The following REEP6 variants were observed in gnomAD, a reference collection of about 807,000 sequenced individuals.
The protein encoded by REEP6 is receptor expression-enhancing protein 6.
REEP6 carries 19 observed loss-of-function variants against 22.4 expected under a neutral mutation model. The observed-to-expected ratio is 0.85, with a 90% CI of 0.59 to 1.25. The LOEUF is 1.25. REEP6 is among the 50% of genes most tolerant of loss of function. REEP6 has a pLI of 0.00. For synonymous variants in REEP6, 121 were observed against 113.6 expected (o/e 1.06, Z -0.41); for missense variants, 273 against 251.9 (o/e 1.08, Z -0.57).
rs1250720077 is a variant in REEP6 at position 1,495,970 on chromosome 19, A to G, written c.349-315A>G. 7.5e-6 allele frequency: 4 copies of G among 531,652 alleles called. No homozygotes were observed. The East Asian group carries it at 9.6e-5, about 13-fold the overall frequency. 32.9% of individuals were successfully genotyped at this position (531,652 alleles called of 1,614,324 possible). On this transcript the variant is annotated intron_variant, in intron 3 of 4. Coordinates refer to ENST00000233596, the MANE Select transcript of REEP6 (RefSeq NM_138393.4). ...TCACTTAAAGGGTGTCTGATGGTGG[A>G]GACCCAGGCTTATTCCAATAATATG...
chr19:1,493,772 A>G (rs559839779), intron 1 of REEP6, among the ~76,000 whole-genome samples: 2 of 111,282 alleles, frequency 1.8e-5, no homozygotes, highest in Admixed American at 1.9e-4. Context: ...ACTGTGTTAT[A>G]GTTGCCTGAA....
chr19:1,496,560 C>T (rs759271904), intron 4 of REEP6, 107 bp downstream of exon 4: 13 of 1,301,900 alleles, frequency 1.0e-5, no homozygotes, highest in Middle Eastern at 1.8e-4. Context: ...TCTCACTGTC[C>T]GCCTCTCTCT....
intron 1 of REEP6, 61 bp from the exon 2 acceptor site, chr19:1,495,233 G>A (rs2084995475): frequency 6.5e-7 from 1 of 1,540,740 alleles, no homozygotes; most frequent in African/African-American, 1.4e-5. Flanking sequence ...GGCGGCCTGG[G>A]TACCGTCGTG....
chr19:1,496,730 G>A lies in REEP6; in HGVS notation c.517+277G>A, dbSNP rs1236282396. On this transcript the variant is annotated intron_variant, in intron 4 of 4. Coordinates refer to ENST00000233596, the MANE Select transcript of REEP6 (RefSeq NM_138393.4). ...TGTGTGTGTGTGTGCGCGCGCGCGC[G>A]CGTGTGTTTGAGCGTATGTTTGCTG... 27 of 658,324 alleles carry A rather than the reference G, an allele frequency of 4.1e-5. No individual in the cohort carries two copies. The highest frequency in any genetic ancestry group is 5.4e-5 in the Non-Finnish European group (19 of 352,528). 40.8% of individuals were successfully genotyped at this position (658,324 alleles called of 1,614,324 possible).
chr19:1,496,660 T>C (rs768543224), intron 4 of REEP6: 19 of 738,778 alleles, frequency 2.6e-5, no homozygotes, highest in South Asian at 2.4e-4. Flanking sequence ...TCCACTCCCC[T>C]GGAAGCTGAC....
chr19:1,497,056 C>T lies in REEP6; in HGVS notation c.518-118C>T. On this transcript the variant is annotated intron_variant, in intron 4 of 4. Transcript: ENST00000233596. The surrounding 1 kb of genome is among the most constrained non-coding windows in gnomAD (Gnocchi z 6.5). ...TTGACACCATCTCTGCTGAGGGTGG[C>T]TGCCCGGCCCCTCGACTTGTCATGC... The T allele has an allele frequency of 9.8e-6, 8 of 813,514 alleles. No homozygotes were observed. Among genetic ancestry groups the T allele is most frequent in the Non-Finnish European group, 1.5e-5 (8 of 533,192 alleles). 50.4% of individuals were successfully genotyped at this position (813,514 alleles called of 1,614,324 possible).
chr19:1,494,735 A>G (rs2084991544), intron 1 of REEP6, among the ~76,000 whole-genome samples: 1 of 151,798 alleles, frequency 6.6e-6, no homozygotes, highest in African/African-American at 2.4e-5. Context: ...CCCAGGCTGG[A>G]GTGCAACGGC....
At chr19:1,494,097 G>A (rs1255578994) in intron 1 of REEP6, among the ~76,000 whole-genome samples, 3 of 152,060 alleles carry the variant, frequency 2.0e-5, no homozygotes, top group South Asian at 4.2e-4. Context: ...AGAAATAAAC[G>A]TGCAGAAAGG....
Position 1,497,033 on chromosome 19 carries a change from G to C in REEP6, c.518-141G>C, listed in dbSNP as rs1291200284. 1.1e-5 allele frequency: 7 copies of C among 656,264 alleles called. No homozygotes were observed. The East Asian group carries it at 2.0e-4, about 18-fold the overall frequency. 40.7% of individuals were successfully genotyped at this position (656,264 alleles called of 1,614,324 possible). A position where few individuals can be genotyped will look rare whatever the true frequency, so the allele number is the denominator to read the frequency against. ...TGACCATGAAAGCCTCTGTGTGGTT[G>C]ACACCATCTCTGCTGAGGGTGGCTG... is the stretch of plus-strand genomic sequence containing the variant. On this transcript the variant is annotated intron_variant, in intron 4 of 4. Coordinates refer to ENST00000233596, the MANE Select transcript of REEP6 (RefSeq NM_138393.4). The surrounding 1 kb of genome is among the most constrained non-coding windows in gnomAD (Gnocchi z 6.5).
chr19:1,497,233 A>G lies in REEP6; in HGVS notation c.*22A>G, dbSNP rs1161067274. 11 of 1,549,846 alleles carry G rather than the reference A, an allele frequency of 7.1e-6. No homozygotes were observed. Among genetic ancestry groups the G allele is most frequent in the Middle Eastern group, 1.7e-4 (1 of 5,858 alleles). ...GTGAAGCAGCCCCCTGAGCCTCACA[A>G]GGACCTCCTGGCTGGTGAGGAGGGG... is the stretch of plus-strand genomic sequence containing the variant. On this transcript the variant is annotated 3_prime_UTR_variant, in exon 5 of 5. Transcript: ENST00000233596. The surrounding 1 kb of genome is among the most constrained non-coding windows in gnomAD (Gnocchi z 6.5).
intron 1 of REEP6, among the ~76,000 whole-genome samples, 173 bp from the exon 2 acceptor site, chr19:1,495,121 T>C (rs1429115432): frequency 1.3e-5 from 2 of 152,190 alleles, no homozygotes; most frequent in African/African-American, 4.8e-5. Flanking sequence ...GCTCAGGGCC[T>C]AGAGGCACGA....
At chr19:1,493,863 G>A (rs530841844) in intron 1 of REEP6, among the ~76,000 whole-genome samples, 6 of 152,268 alleles carry the variant, frequency 3.9e-5, no homozygotes, top group South Asian at 4.1e-4. Context: ...CAAGGCGGGC[G>A]GATCACCTGA....
chr19:1,496,222 C>T, intron 3 of REEP6, 63 bp from the exon 4 acceptor site: 4 of 1,543,744 alleles, frequency 2.6e-6, no homozygotes, highest in African/African-American at 1.4e-5. Context: ...TGGTGCAGCC[C>T]CTCTCCCCAC....
At chr19:1,493,763 CTG>C (rs1285705301) in intron 1 of REEP6, among the ~76,000 whole-genome samples, 4 of 115,710 alleles carry the variant, frequency 3.5e-5, no homozygotes, top group African/African-American at 1.2e-4. Flanking sequence ...CTTGCTGGGA[CTG>C]TGTTATAGTT....
At chr19:1,495,757 C>T (rs78367532) in intron 3 of REEP6, 150 bp downstream of exon 3, 44,377 of 1,088,610 alleles carry the variant, frequency 0.041, 1,546 homozygotes, top group African/African-American at 0.11. Context: ...GAGCCCTGTC[C>T]GGGGGCTGAT....
At position 1,497,143 on chromosome 19, in the gene REEP6, G is replaced by GGGCC; in HGVS notation, c.518-30_518-29insGCCG. On this transcript the variant is annotated intron_variant, in intron 4 of 4. Coordinates refer to ENST00000233596, the MANE Select transcript of REEP6 (RefSeq NM_138393.4). This position sits in a 1 kb window ranked among gnomAD's most constrained non-coding sequence, Gnocchi z 6.5. ...TCCGGGGAGCCCAGGCCTGCCTCAC[G>GGGCC]GCCCTCCCCCACCCGCCCCTCTCTC... The GGGCC allele has an allele frequency of 3.0e-6, 4 of 1,351,248 alleles. No homozygotes were observed. The highest frequency in any genetic ancestry group is 3.0e-6 in the Non-Finnish European group (3 of 1,008,078). 83.7% of individuals were successfully genotyped at this position (1,351,248 alleles called of 1,614,324 possible). A position where few individuals can be genotyped will look rare whatever the true frequency, so the allele number is the denominator to read the frequency against.
At chr19:1,494,580 T>C (rs1481477132) in intron 1 of REEP6, among the ~76,000 whole-genome samples, 2 of 152,224 alleles carry the variant, frequency 1.3e-5, no homozygotes, top group Non-Finnish European at 2.9e-5. Flanking sequence ...GAATCAAGTC[T>C]TCATGACAGC....
chr19:1,494,658 C>T (rs2084990932), intron 1 of REEP6, among the ~76,000 whole-genome samples: 1 of 152,166 alleles, frequency 6.6e-6, no homozygotes, highest in Non-Finnish European at 1.5e-5. Flanking sequence ...CAGTGCCTCC[C>T]AAAGGGCCTG....
chr19:1,496,764 T>C (rs2085011976), intron 4 of REEP6: 1 of 602,028 alleles, frequency 1.7e-6, no homozygotes, highest in Non-Finnish European at 3.1e-6. Flanking sequence ...TGTGTGCACA[T>C]GTATTATTGT....
Sources: allele counts gnomAD v4.1 joint callset (sites outside exome capture counted in the v4.1 genomes callset), GRCh38; gene constraint gnomAD v4.1.1; non-coding constraint Gnocchi (gnomAD v3.1); transcripts MANE v1.5; gene names NCBI Gene and HGNC (gene_info 2026-07-23, HGNC 2026-07-21).